The following SPAG16 variants were observed in gnomAD, a reference collection of about 807,000 sequenced individuals.
The protein encoded by SPAG16 is sperm associated antigen 16, also known as sperm-associated antigen 16 protein.
A neutral mutation model predicts 80.4 loss-of-function variants in SPAG16; 86 were observed. That is an observed-to-expected ratio of 1.07 (90% confidence interval 0.90 to 1.28). The LOEUF (loss-of-function observed/expected upper bound fraction) is 1.28, where lower values mean the gene tolerates loss of function less well. Ranked by LOEUF, SPAG16 falls within the 50% of genes most tolerant of loss-of-function variation. SPAG16 has a pLI of 0.00. For synonymous variants in SPAG16, 294 were observed against 265.9 expected (o/e 1.11, Z -1.03); for missense variants, 870 against 765.3 (o/e 1.14, Z -1.61).
intron 6 of SPAG16, among the ~76,000 whole-genome samples, chr2:213,346,982 C>G (rs1386211225): frequency 6.6e-6 from 1 of 152,164 alleles, no homozygotes; most frequent in Non-Finnish European, 1.5e-5. Context: ...CCTTGTACCT[C>G]TGGTAGAATT....
chr2:213,652,000 T>G (rs2063041689), intron 10 of SPAG16, among the ~76,000 whole-genome samples: 2 of 152,266 alleles, frequency 1.3e-5, no homozygotes, highest in Admixed American at 1.3e-4. Flanking sequence ...TACTTTTTGG[T>G]CTTTGACATT....
chr2:213,393,405 A>T (rs913151532), intron 9 of SPAG16, among the ~76,000 whole-genome samples: 7 of 151,816 alleles, frequency 4.6e-5, no homozygotes, highest in East Asian at 3.9e-4. Flanking sequence ...ATATATTTTT[A>T]AAATGAAAAT....
chr2:213,494,125 CA>C (rs1192172558), intron 10 of SPAG16, among the ~76,000 whole-genome samples: 1 of 152,212 alleles, frequency 6.6e-6, no homozygotes, highest in Non-Finnish European at 1.5e-5. Flanking sequence ...ATATCCTTCT[CA>C]GCATCTTCAG....
intron 10 of SPAG16, among the ~76,000 whole-genome samples, chr2:213,591,886 G>C (rs2060705636): frequency 6.6e-6 from 1 of 152,134 alleles, no homozygotes; most frequent in Admixed American, 6.6e-5. Context: ...GATTTTGAGA[G>C]TGACCAGATA....
chr2:214,252,907 C>A (rs2125853054), intron 15 of SPAG16, among the ~76,000 whole-genome samples: 1 of 152,114 alleles, frequency 6.6e-6, no homozygotes, highest in African/African-American at 2.4e-5. Context: ...GTTTACAGTC[C>A]CACCAACAGT....
chr2:214,023,253 T>G (rs1575857820), intron 13 of SPAG16, among the ~76,000 whole-genome samples: 1 of 151,954 alleles, frequency 6.6e-6, no homozygotes, highest in East Asian at 1.9e-4. Context: ...GTCACACTGA[T>G]TAAGATGGAT....
intron 10 of SPAG16, among the ~76,000 whole-genome samples, chr2:213,716,552 GT>G (rs1422232328): frequency 2.0e-5 from 3 of 152,204 alleles, no homozygotes; most frequent in Non-Finnish European, 2.9e-5. Flanking sequence ...AACTGCTGTT[GT>G]TTTGGCATCA....
chr2:213,294,210 A>G (rs1440488606), intron 1 of SPAG16, among the ~76,000 whole-genome samples: 1 of 152,238 alleles, frequency 6.6e-6, no homozygotes, highest in African/African-American at 2.4e-5. Flanking sequence ...CATTTCACTT[A>G]GCATGACCTT....
intron 10 of SPAG16, among the ~76,000 whole-genome samples, chr2:213,828,176 T>G (rs1007950939): frequency 3.3e-5 from 5 of 152,152 alleles, no homozygotes; most frequent in Non-Finnish European, 5.9e-5. Context: ...TGAGCCTATT[T>G]TCTAGGTCTT....
intron 10 of SPAG16, among the ~76,000 whole-genome samples, chr2:213,622,529 T>A (rs1363336963): frequency 6.6e-6 from 1 of 152,222 alleles, no homozygotes; most frequent in African/African-American, 2.4e-5. Context: ...TCCTTGACAA[T>A]ACTCATTGTC....
chr2:214,373,494 T>C (rs1377925973), intron 15 of SPAG16, among the ~76,000 whole-genome samples: 1 of 152,168 alleles, frequency 6.6e-6, no homozygotes, highest in Non-Finnish European at 1.5e-5. Flanking sequence ...ACGTGAGAAA[T>C]AGAAATATAT....
At chr2:213,578,481 G>T (rs55848552) in intron 10 of SPAG16, among the ~76,000 whole-genome samples, 1,788 of 152,122 alleles carry the variant, frequency 0.012, 37 homozygotes, top group African/African-American at 0.039. Flanking sequence ...CCACATTATT[G>T]TAAAAGTTGA....
chr2:213,500,029 TG>T (rs1474007671), intron 10 of SPAG16, among the ~76,000 whole-genome samples: 1 of 152,172 alleles, frequency 6.6e-6, no homozygotes, highest in African/African-American at 2.4e-5. Flanking sequence ...AACTTGAGCT[TG>T]CTAAACTGAC....
At chr2:213,408,115 AAG>A (rs1261172600) in intron 9 of SPAG16, among the ~76,000 whole-genome samples, 1 of 137,094 alleles carries the variant, frequency 7.3e-6, no homozygotes, top group African/African-American at 2.8e-5. Context: ...AACAAAAACA[AAG>A]AAAAAAAAAC....
chr2:213,967,537 T>C (rs1378580333), intron 12 of SPAG16, among the ~76,000 whole-genome samples: 1 of 152,186 alleles, frequency 6.6e-6, no homozygotes, highest in Non-Finnish European at 1.5e-5. Context: ...CTCTCTTTAT[T>C]TGTGAGTCTA....
At chr2:214,193,842 A>G (rs557219805) in intron 15 of SPAG16, among the ~76,000 whole-genome samples, 1 of 152,256 alleles carries the variant, frequency 6.6e-6, no homozygotes, top group Admixed American at 6.6e-5. Flanking sequence ...TACTGCAAAA[A>G]CAAAACAAAA....
At chr2:213,896,831 C>T (rs1360400227) in intron 11 of SPAG16, among the ~76,000 whole-genome samples, 1 of 151,888 alleles carries the variant, frequency 6.6e-6, no homozygotes, top group Middle Eastern at 3.2e-3. Context: ...TAAAGCCAAA[C>T]ACATGTTCTT....
intron 15 of SPAG16, among the ~76,000 whole-genome samples, chr2:214,164,858 G>A (rs1231267903): frequency 6.6e-6 from 1 of 152,044 alleles, no homozygotes; most frequent in Non-Finnish European, 1.5e-5. Context: ...GTATAAAATG[G>A]TGTAGAAATT....
chr2:213,467,049 C>T (rs1346865689), intron 9 of SPAG16, among the ~76,000 whole-genome samples: 2 of 152,210 alleles, frequency 1.3e-5, no homozygotes, highest in Non-Finnish European at 2.9e-5. Flanking sequence ...ATATCGGAAC[C>T]ACAGCCTCAT....
Sources: allele counts gnomAD v4.1 joint callset (sites outside exome capture counted in the v4.1 genomes callset), GRCh38; gene constraint gnomAD v4.1.1; transcripts MANE v1.5; gene names NCBI Gene and HGNC (gene_info 2026-07-23, HGNC 2026-07-21).